PLPPR1: variants seen among roughly 807,000 people sequenced by gnomAD.
The protein encoded by PLPPR1 is phospholipid phosphatase-related protein type 1.
In PLPPR1, 10 loss-of-function variants were observed where a neutral mutation model predicts 33.1. The ratio of observed to expected loss-of-function variants is 0.30; its 90% confidence interval spans 0.19 to 0.51. PLPPR1 has a LOEUF of 0.51. Ranked by LOEUF, PLPPR1 falls within the 20% of genes least tolerant of loss-of-function variation. PLPPR1 has a pLI of 0.97. For synonymous variants in PLPPR1, 151 were observed against 151.0 expected (o/e 1.00, Z 0.00); for missense variants, 304 against 408.1 (o/e 0.74, Z 2.20).
chr9:101,309,519 C>T, intron 5 of PLPPR1, 58 bp downstream of exon 5: 1 of 1,556,688 alleles, frequency 6.4e-7, no homozygotes, highest in Non-Finnish European at 8.7e-7. Context: ...GTGTGTCTCC[C>T]TGCCCTGTCT....
intron 1 of PLPPR1, among the ~76,000 whole-genome samples, chr9:101,176,028 G>A (rs1826014092): frequency 6.6e-6 from 1 of 152,184 alleles, no homozygotes; most frequent in African/African-American, 2.4e-5. Flanking sequence ...TGCCTCAGGT[G>A]TCTCAGACCT....
intron 1 of PLPPR1, among the ~76,000 whole-genome samples, chr9:101,109,731 C>T (rs184001126): frequency 1.3e-3 from 195 of 152,256 alleles, no homozygotes; most frequent in African/African-American, 3.3e-3. Flanking sequence ...CCAGGATAAT[C>T]GCTGTTAGTA....
chr9:101,207,242 T>C (rs1484618737), intron 2 of PLPPR1, among the ~76,000 whole-genome samples: 2 of 152,164 alleles, frequency 1.3e-5, no homozygotes, highest in Non-Finnish European at 2.9e-5. Context: ...ATTCAAACTT[T>C]TTCTTTCCCC....
At chr9:101,191,350 C>G (rs1041861653) in intron 2 of PLPPR1, among the ~76,000 whole-genome samples, 1 of 152,086 alleles carries the variant, frequency 6.6e-6, no homozygotes, top group African/African-American at 2.4e-5. Context: ...CTTAAACATA[C>G]CTCAAAAATT....
intron 1 of PLPPR1, among the ~76,000 whole-genome samples, chr9:101,142,505 T>C (rs897963913): frequency 2.6e-5 from 4 of 152,192 alleles, no homozygotes; most frequent in African/African-American, 9.6e-5. Context: ...ATTTCCTCTG[T>C]GATTAGTCTT....
intron 2 of PLPPR1, among the ~76,000 whole-genome samples, chr9:101,246,711 A>G (rs1827617226): frequency 6.6e-6 from 1 of 152,018 alleles, no homozygotes; most frequent in Non-Finnish European, 1.5e-5. Flanking sequence ...AAGCACTCCA[A>G]AATTCAGTGG....
intron 2 of PLPPR1, among the ~76,000 whole-genome samples, chr9:101,269,319 T>G (rs908840521): frequency 3.3e-5 from 5 of 152,224 alleles, no homozygotes; most frequent in African/African-American, 1.2e-4. Flanking sequence ...ATGACTGATG[T>G]AGAATACCTG....
chr9:101,167,517 T>A (rs1301211048), intron 1 of PLPPR1, among the ~76,000 whole-genome samples: 1 of 151,952 alleles, frequency 6.6e-6, no homozygotes, highest in African/African-American at 2.4e-5. Context: ...CTGGAATTGA[T>A]CCTTGGCTTC....
intron 1 of PLPPR1, among the ~76,000 whole-genome samples, chr9:101,181,395 A>G (rs1162595179): frequency 6.6e-6 from 1 of 150,902 alleles, no homozygotes; most frequent in Non-Finnish European, 1.5e-5. Context: ...ATTCTGGAAA[A>G]CAGTATGGAG....
At chr9:101,188,018 T>A (rs972816759) in intron 2 of PLPPR1, 74 of 152,194 alleles carry the variant, frequency 4.9e-4, no homozygotes, top group African/African-American at 1.8e-3. Context: ...TAAATGACAC[T>A]ATGCTGAACC....
intron 1 of PLPPR1, among the ~76,000 whole-genome samples, chr9:101,157,267 T>C (rs920469211): frequency 6.6e-6 from 1 of 152,196 alleles, no homozygotes; most frequent in African/African-American, 2.4e-5. Context: ...AAGTGATTGA[T>C]TGGTCATGAT....
chr9:101,208,424 A>C (rs74821416), intron 2 of PLPPR1, among the ~76,000 whole-genome samples: 10,064 of 152,204 alleles, frequency 0.066, 1,072 homozygotes, highest in African/African-American at 0.23. Flanking sequence ...CTTTGTTAAC[A>C]TCCTAGGCTT....
At chr9:101,311,656 T>C (rs1054090353) in intron 5 of PLPPR1, among the ~76,000 whole-genome samples, 11 of 152,334 alleles carry the variant, frequency 7.2e-5, no homozygotes, top group African/African-American at 2.6e-4. Context: ...GAATCTGTTA[T>C]ATAGAAGAGA....
chr9:101,256,723 A>G (rs1588097936), intron 2 of PLPPR1, among the ~76,000 whole-genome samples: 1 of 152,142 alleles, frequency 6.6e-6, no homozygotes, highest in South Asian at 2.1e-4. Context: ...TGCCTGAACT[A>G]TGAGATGGCA....
chr9:101,245,717 A>T (rs537773977), intron 2 of PLPPR1, among the ~76,000 whole-genome samples: 1 of 151,950 alleles, frequency 6.6e-6, no homozygotes, highest in East Asian at 2.0e-4. Context: ...TACTTGTCTG[A>T]TCTTTGGTTC....
intron 1 of PLPPR1, among the ~76,000 whole-genome samples, chr9:101,090,515 C>T (rs1464364220): frequency 1.3e-5 from 2 of 152,174 alleles, no homozygotes; most frequent in South Asian, 4.2e-4. Flanking sequence ...TGCTTTCCCT[C>T]AATCCACCCT....
intron 1 of PLPPR1, among the ~76,000 whole-genome samples, chr9:101,170,206 A>C (rs2118688332): frequency 6.6e-6 from 1 of 152,288 alleles, no homozygotes; most frequent in South Asian, 2.1e-4. Context: ...AGAAAAATAA[A>C]GATATGAAAC....
intron 1 of PLPPR1, among the ~76,000 whole-genome samples, chr9:101,177,063 A>G (rs947484797): frequency 1.3e-5 from 2 of 152,216 alleles, no homozygotes; most frequent in Non-Finnish European, 2.9e-5. Flanking sequence ...TGATGCCTCC[A>G]GCTTTGTTCT....
At chr9:101,063,985 C>A (rs1163089345) in intron 1 of PLPPR1, among the ~76,000 whole-genome samples, 1 of 152,022 alleles carries the variant, frequency 6.6e-6, no homozygotes, top group Non-Finnish European at 1.5e-5. Flanking sequence ...AGATGCTTAA[C>A]AAATATTTTC....
Sources: allele counts gnomAD v4.1 joint callset (sites outside exome capture counted in the v4.1 genomes callset), GRCh38; gene constraint gnomAD v4.1.1; transcripts MANE v1.5; gene names NCBI Gene and HGNC (gene_info 2026-07-23, HGNC 2026-07-21).